IL7: variants seen among roughly 807,000 people sequenced by gnomAD.
IL7 encodes interleukin-7.
IL7 carries 3 observed loss-of-function variants against 21.6 expected under a neutral mutation model. The observed-to-expected ratio is 0.14, with a 90% CI of 0.06 to 0.36. The LOEUF (loss-of-function observed/expected upper bound fraction) is 0.36, where lower values mean the gene tolerates loss of function less well. Ranked by LOEUF, IL7 falls within the 10% of genes least tolerant of loss-of-function variation. IL7 has a pLI of 1.00. For synonymous variants in IL7, 62 were observed against 68.1 expected (o/e 0.91, Z 0.44); for missense variants, 175 against 200.2 (o/e 0.87, Z 0.76).
intron 2 of IL7, among the ~76,000 whole-genome samples, chr8:78,768,803 G>C (rs1380789887): frequency 6.6e-6 from 1 of 152,010 alleles, no homozygotes; most frequent in Non-Finnish European, 1.5e-5. Context: ...CTGGCAAACC[G>C]AATCCAGCAG....
downstream of IL7, among the ~76,000 whole-genome samples, chr8:78,730,511 C>G (rs1207217072): frequency 6.6e-6 from 1 of 151,916 alleles, no homozygotes; most frequent in Non-Finnish European, 1.5e-5. Context: ...CCTGAATGCA[C>G]CCAGAATGCA....
At chr8:78,692,012 C>T (rs1461432644) in intron 3 of IL7, among the ~76,000 whole-genome samples, 1 of 152,166 alleles carries the variant, frequency 6.6e-6, no homozygotes, top group East Asian at 1.9e-4. Flanking sequence ...ATACTATCAC[C>T]TCAAGTACTT....
At chr8:78,775,862 T>C (rs10097303) in intron 2 of IL7, among the ~76,000 whole-genome samples, 1 of 152,054 alleles carries the variant, frequency 6.6e-6, no homozygotes, top group Admixed American at 6.6e-5. Flanking sequence ...TGGACCTCTG[T>C]GTAAGATTTT....
At chr8:78,800,781 G>T (rs936106164) in intron 1 of IL7, among the ~76,000 whole-genome samples, 4 of 152,100 alleles carry the variant, frequency 2.6e-5, no homozygotes, top group African/African-American at 9.7e-5. Flanking sequence ...GATGATAGAG[G>T]AAAAATTATA....
At chr8:78,779,114 A>G (rs1813229073) in intron 2 of IL7, among the ~76,000 whole-genome samples, 1 of 152,172 alleles carries the variant, frequency 6.6e-6, no homozygotes, top group South Asian at 2.1e-4. Context: ...ATTTTGCTGA[A>G]GTTGCTTATC....
chr8:78,784,115 C>G (rs1338096118), intron 2 of IL7, among the ~76,000 whole-genome samples: 1 of 152,156 alleles, frequency 6.6e-6, no homozygotes, highest in African/African-American at 2.4e-5. Flanking sequence ...GAAATCCTAA[C>G]CCCCAATGTG....
chr8:78,728,592 A>G (rs1476846473), downstream of IL7, among the ~76,000 whole-genome samples: 2 of 152,088 alleles, frequency 1.3e-5, no homozygotes, highest in Non-Finnish European at 2.9e-5. Context: ...CTTGATACAC[A>G]TTTTATGTCT....
chr8:78,744,928 C>T (rs1218536826), intron 2 of IL7, among the ~76,000 whole-genome samples: 4 of 152,172 alleles, frequency 2.6e-5, no homozygotes, highest in East Asian at 1.9e-4. Context: ...GGCTGGGTGT[C>T]GTGCCCAGGT....
At chr8:78,767,886 G>A (rs1255252539) in intron 2 of IL7, among the ~76,000 whole-genome samples, 2 of 151,930 alleles carry the variant, frequency 1.3e-5, no homozygotes, top group Non-Finnish European at 2.9e-5. Context: ...TCATCATTTA[G>A]CATTTGGTAT....
At chr8:78,723,012 A>T (rs964917039) in intron 3 of IL7, among the ~76,000 whole-genome samples, 1 of 150,400 alleles carries the variant, frequency 6.6e-6, no homozygotes, top group African/African-American at 2.4e-5. Flanking sequence ...ACCATAAAAA[A>T]TAGGGGGGAA....
chr8:78,696,502 T>G (rs1360083826), intron 3 of IL7, among the ~76,000 whole-genome samples: 1 of 152,208 alleles, frequency 6.6e-6, no homozygotes, highest in Non-Finnish European at 1.5e-5. Context: ...GCAAGTTCAT[T>G]TCTTGCTATT....
intron 2 of IL7, among the ~76,000 whole-genome samples, chr8:78,766,045 G>C (rs2130775658): frequency 6.6e-6 from 1 of 152,168 alleles, no homozygotes; most frequent in Middle Eastern, 3.4e-3. Flanking sequence ...GATCTTAAAT[G>C]CATATTATTA....
At chr8:78,748,416 G>A (rs1812055301) in intron 2 of IL7, among the ~76,000 whole-genome samples, 1 of 152,144 alleles carries the variant, frequency 6.6e-6, no homozygotes, top group Non-Finnish European at 1.5e-5. Flanking sequence ...AATTTAATGT[G>A]ATTTGAAAAT....
At chr8:78,798,020 T>C in intron 2 of IL7, 52 bp downstream of exon 2, 7 of 1,478,208 alleles carry the variant, frequency 4.7e-6, no homozygotes, top group Non-Finnish European at 6.5e-6. Context: ...ACCAAAAAGG[T>C]TCAAATTTTC....
intron 2 of IL7, among the ~76,000 whole-genome samples, chr8:78,758,110 C>T (rs1812414064): frequency 6.6e-6 from 1 of 152,028 alleles, no homozygotes; most frequent in Non-Finnish European, 1.5e-5. Flanking sequence ...TCAGGTATGT[C>T]TTTATTAGCA....
At chr8:78,735,788 CATGTAGCT>C (rs1811572738) in intron 5 of IL7, among the ~76,000 whole-genome samples, 1 of 152,076 alleles carries the variant, frequency 6.6e-6, no homozygotes, top group African/African-American at 2.4e-5. Flanking sequence ...TCCATGTTGC[CATGTAGCT>C]ATTGGTCAAA....
chr8:78,678,076 T>C (rs1482152621), intron 4 of IL7, among the ~76,000 whole-genome samples: 1 of 152,162 alleles, frequency 6.6e-6, no homozygotes, highest in Non-Finnish European at 1.5e-5. Context: ...ATTTTTGTTT[T>C]GGTGGGTTTT....
chr8:78,798,831 C>T (rs1813955599), intron 1 of IL7, among the ~76,000 whole-genome samples: 1 of 152,090 alleles, frequency 6.6e-6, no homozygotes, highest in Admixed American at 6.5e-5. Flanking sequence ...TCTTCTGTCT[C>T]TGAGTCCCCA....
intron 2 of IL7, among the ~76,000 whole-genome samples, chr8:78,769,766 A>G (rs1812889794): frequency 6.6e-6 from 1 of 152,122 alleles, no homozygotes; most frequent in Non-Finnish European, 1.5e-5. Context: ...GAGGCATCAC[A>G]CTACCTGACT....
Sources: allele counts gnomAD v4.1 joint callset (sites outside exome capture counted in the v4.1 genomes callset), GRCh38; gene constraint gnomAD v4.1.1; transcripts MANE v1.5; gene names NCBI Gene and HGNC (gene_info 2026-07-23, HGNC 2026-07-21).